SEZ6L: variants seen among roughly 807,000 people sequenced by gnomAD.
SEZ6L encodes the protein seizure related 6 homolog like.
A neutral mutation model predicts 106.2 loss-of-function variants in SEZ6L; 37 were observed. That is an observed-to-expected ratio of 0.35 (90% CI 0.27 to 0.46). The LOEUF is 0.46. Ranked by LOEUF, SEZ6L falls within the 20% of genes least tolerant of loss-of-function variation. SEZ6L has a pLI of 1.00. For synonymous variants in SEZ6L, 541 were observed against 570.4 expected (o/e 0.95, Z 0.73); for missense variants, 1,172 against 1,332.8 (o/e 0.88, Z 1.88).
intron 1 of SEZ6L, among the ~76,000 whole-genome samples, chr22:26,285,235 A>G (rs188116950): frequency 4.7e-4 from 71 of 152,134 alleles, no homozygotes; most frequent in Admixed American, 2.9e-3. Flanking sequence ...CGAGCATGTA[A>G]TAAGTGCAGA....
At chr22:26,348,474 CAG>C (rs1397525786) in intron 11 of SEZ6L, among the ~76,000 whole-genome samples, 2 of 128,458 alleles carry the variant, frequency 1.6e-5, no homozygotes, top group East Asian at 4.5e-4. Context: ...GCCTGGGTGA[CAG>C]AGCAAAACCC....
At chr22:26,174,579 C>G (rs1352524168) in intron 1 of SEZ6L, among the ~76,000 whole-genome samples, 1 of 152,176 alleles carries the variant, frequency 6.6e-6, no homozygotes, top group African/African-American at 2.4e-5. Flanking sequence ...CAGAAGGGAG[C>G]GAGGCCCAGC....
At chr22:26,296,154 C>T (rs1185976282) in intron 3 of SEZ6L, among the ~76,000 whole-genome samples, 1 of 152,138 alleles carries the variant, frequency 6.6e-6, no homozygotes, top group East Asian at 1.9e-4. Flanking sequence ...TTTGTTCAGC[C>T]TCCCTGCGTA....
chr22:26,296,773 T>A (rs1221824003), intron 3 of SEZ6L, 115 bp from the exon 4 acceptor site: 1 of 859,862 alleles, frequency 1.2e-6, no homozygotes, highest in African/African-American at 1.8e-5. Context: ...GGGGTCCCGT[T>A]GACCAGGGGC....
chr22:26,290,146 C>G (rs566187292), intron 1 of SEZ6L, among the ~76,000 whole-genome samples: 1 of 152,294 alleles, frequency 6.6e-6, no homozygotes, highest in Admixed American at 6.5e-5. Flanking sequence ...AGTCATTAAC[C>G]AGCAATTGGC....
chr22:26,340,713 G>A (rs1179815273), intron 10 of SEZ6L, 81 bp downstream of exon 10: 1 of 1,156,926 alleles, frequency 8.6e-7, no homozygotes, highest in East Asian at 2.4e-5. Flanking sequence ...TTATTTGGCA[G>A]TTTTGTACTA....
At chr22:26,318,025 A>G (rs2082053171) in intron 9 of SEZ6L, among the ~76,000 whole-genome samples, 1 of 151,510 alleles carries the variant, frequency 6.6e-6, no homozygotes, top group Non-Finnish European at 1.5e-5. Flanking sequence ...GGAAGTACAT[A>G]CCCTATCTAA....
chr22:26,193,966 A>C (rs552968023), intron 1 of SEZ6L, among the ~76,000 whole-genome samples: 1 of 152,302 alleles, frequency 6.6e-6, no homozygotes, highest in African/African-American at 2.4e-5. Context: ...CAATTTTGAC[A>C]AAGAGCAATG....
intron 1 of SEZ6L, among the ~76,000 whole-genome samples, chr22:26,182,370 G>C (rs546072433): frequency 6.6e-6 from 1 of 152,262 alleles, no homozygotes; most frequent in African/African-American, 2.4e-5. Context: ...GCCTGACTCT[G>C]CATCCCAGCT....
chr22:26,380,187 G>A (rs1212478998), intron 16 of SEZ6L, 79 bp from the exon 17 acceptor site: 1 of 1,371,592 alleles, frequency 7.3e-7, no homozygotes, highest in Non-Finnish European at 1.0e-6. Context: ...ACATACAGAG[G>A]TGCAAAGAAC....
chr22:26,228,645 T>C lies in SEZ6L; in HGVS notation c.94+58882T>C, dbSNP rs1007146682. ...AGAGATGATGGTGGATCTAATCTAA[T>C]ATGAATGGTAGTTGCCACTTACTGG... On this transcript the variant is annotated intron_variant, in intron 1 of 16. Coordinates refer to ENST00000248933, the MANE Select transcript of SEZ6L (RefSeq NM_021115.5). 2.0e-5 allele frequency among the ~76,000 whole-genome samples: 3 copies of C among 152,126 alleles called. No individual in the cohort carries two copies. In the East Asian group the frequency reaches 5.8e-4, roughly 29 times the overall value.
chr22:26,330,177 G>A (rs960114485), intron 9 of SEZ6L, among the ~76,000 whole-genome samples: 5 of 152,212 alleles, frequency 3.3e-5, no homozygotes, highest in African/African-American at 7.2e-5. Context: ...TCAGGGAGCC[G>A]ACACAGGCAG....
intron 1 of SEZ6L, among the ~76,000 whole-genome samples, chr22:26,286,725 CT>C (rs1235033178): frequency 6.6e-6 from 1 of 150,956 alleles, no homozygotes; most frequent in Non-Finnish European, 1.5e-5. Flanking sequence ...AGATACAAAC[CT>C]TCAGCTTCAG....
chr22:26,307,395 G>T (rs985023888), intron 6 of SEZ6L, among the ~76,000 whole-genome samples: 3 of 151,510 alleles, frequency 2.0e-5, no homozygotes, highest in African/African-American at 4.9e-5. Context: ...TGGAGTCCAA[G>T]AAACTTTGAT....
At chr22:26,284,604 CAAAAAAAAAA>C (rs137198) in intron 1 of SEZ6L, among the ~76,000 whole-genome samples, 18,268 of 63,976 alleles carry the variant, frequency 0.29, 1,400 homozygotes, top group Middle Eastern at 0.38. Context: ...ATCAGGACTC[CAAAAAAAAAA>C]AAAAAAAAAA....
intron 1 of SEZ6L, among the ~76,000 whole-genome samples, chr22:26,239,797 T>C (rs1685690763): frequency 6.6e-6 from 1 of 152,052 alleles, no homozygotes; most frequent in South Asian, 2.1e-4. Flanking sequence ...GCCAAATGCA[T>C]CCTGAACCTG....
chr22:26,177,527 C>G (rs760186405), intron 1 of SEZ6L, among the ~76,000 whole-genome samples: 1 of 152,214 alleles, frequency 6.6e-6, no homozygotes, highest in Non-Finnish European at 1.5e-5. Flanking sequence ...ATTGTTGAAT[C>G]TGCCTTCTCT....
chr22:26,224,790 ATAGT>A (rs1225380550), intron 1 of SEZ6L, among the ~76,000 whole-genome samples: 1 of 152,204 alleles, frequency 6.6e-6, no homozygotes, highest in African/African-American at 2.4e-5. Flanking sequence ...TAGAGCTTAA[ATAGT>A]TAGGTAGATG....
intron 1 of SEZ6L, among the ~76,000 whole-genome samples, chr22:26,240,122 C>T (rs2079079691): frequency 6.7e-6 from 1 of 149,910 alleles, no homozygotes; most frequent in Non-Finnish European, 1.5e-5. Flanking sequence ...ACACACACAC[C>T]ATTGCATCTT....
Sources: gnomAD v4.1 joint callset for allele counts (sites outside exome capture counted in the v4.1 genomes callset) on GRCh38, gnomAD v4.1.1 for gene constraint, MANE v1.5 for transcripts, NCBI Gene and HGNC (gene_info 2026-07-23, HGNC 2026-07-21) for gene names.